GCGR: variants seen among roughly 807,000 people sequenced by gnomAD.
The protein encoded by GCGR is glucagon receptor.
GCGR carries 41 observed loss-of-function variants against 56.1 expected under a neutral mutation model. That is an observed-to-expected ratio of 0.73 (90% CI 0.57 to 0.95). The LOEUF is 0.95. Ranked by LOEUF, GCGR falls within the 40% of genes least tolerant of loss-of-function variation. GCGR has a pLI of 0.00. For missense variants in GCGR, 595 were observed against 638.2 expected (o/e 0.93, Z 0.73); for synonymous variants, 278 against 271.1 (o/e 1.03, Z -0.25).
At position 81,813,051 on chromosome 17, in the gene GCGR, C is replaced by T. The variant is rs2038137275; in HGVS notation, c.1212C>T (p.Asn404=). 1.3e-6 allele frequency: 2 copies of T among 1,536,236 alleles called. No individual in the cohort carries two copies. Among genetic ancestry groups the T allele is most frequent in the Non-Finnish European group, 1.7e-6 (2 of 1,146,824 alleles). The change falls in exon 13 of 14, where the codon AAC becomes AAT. Residue 404 remains asparagine, a synonymous_variant. Coordinates refer to ENST00000400723, the MANE Select transcript of GCGR (RefSeq NM_000160.5). The surrounding 1 kb of genome is among the most constrained non-coding windows in gnomAD (Gnocchi z 5.3). ...LLVAVLYCFL[N]KEVQSELRRR... The stretch of plus-strand genomic sequence containing the variant: ...TGGCTGTCCTCTACTGCTTCCTCAA[C>T]AAGGAGGTAGGTGGGAGTGGGGGCA...
Position 81,811,544 on chromosome 17 carries a change from C to G in GCGR, c.641C>G (p.Thr214Ser). 1 of 1,536,490 alleles carries G rather than the reference C, an allele frequency of 6.5e-7. No homozygotes were observed. The highest frequency in any genetic ancestry group is 8.7e-7 in the Non-Finnish European group (1 of 1,146,848). ...ATTGGCGACGACCTCAGTGTCAGCA[C>G]CTGGCTCAGTGATGGAGTGAGCCCC... is the stretch of plus-strand genomic sequence containing the variant. ...QKIGDDLSVS[T>S]WLSDGAVAGC... Residue 214 changes from threonine (T) to serine (S), a missense_variant, in exon 7 of 14, where the codon ACC becomes AGC. Transcript: ENST00000400723. This position sits in a 1 kb window ranked among gnomAD's most constrained non-coding sequence, Gnocchi z 5.8.
Position 81,813,497 on chromosome 17 carries a change from T to C in GCGR, c.1242T>C (p.Arg414=), listed in dbSNP as rs1291137965. Residue 414 remains arginine, a synonymous_variant, in exon 14 of 14, where the codon CGT becomes CGC. Transcript: ENST00000400723. This position sits in a 1 kb window ranked among gnomAD's most constrained non-coding sequence, Gnocchi z 5.3. The part of the protein sequence containing the change: ...NKEVQSELRR[R]WHRWRLGKVL... ...AGGTGCAGTCGGAGCTGCGGCGGCG[T>C]TGGCACCGCTGGCGCCTGGGCAAAG... 4 of 1,535,314 alleles carry C rather than the reference T, an allele frequency of 2.6e-6. No homozygotes were observed. The East Asian group carries it at 7.3e-5, about 28-fold the overall frequency.
rs146900331 is a variant in GCGR, at chr17:81,806,658, C to A, written c.-177-2184C>A. ...GCTCTAGAGTCAACATGACAGGCAT[C>A]GAATGGCTCCTGTTTCTCTGGCAGA... On this transcript the variant is annotated intron_variant, in intron 1 of 13. Transcript: ENST00000400723. The surrounding 1 kb of genome is among the most constrained non-coding windows in gnomAD (Gnocchi z 6.5). Among the ~76,000 whole-genome samples the A allele has an allele frequency of 1.3e-5, 2 of 152,232 alleles. No homozygotes were observed. The highest frequency in any genetic ancestry group is 4.8e-5 in the African/African-American group (2 of 41,536).
intron 1 of GCGR, among the ~76,000 whole-genome samples, chr17:81,805,688 C>T (rs960185850): frequency 6.6e-6 from 1 of 151,602 alleles, no homozygotes; most frequent in African/African-American, 2.4e-5. Context: ...ACCTCGGGAA[C>T]CCCCCCTATT....
chr17:81,812,262 TGAA>T lies in GCGR; in HGVS notation c.948+13_948+15del. 1 of 1,535,170 alleles carries T rather than the reference TGAA, an allele frequency of 6.5e-7. No individual in the cohort carries two copies. The highest frequency in any genetic ancestry group is 8.7e-7 in the Non-Finnish European group (1 of 1,146,706). Reference sequence around the variant, plus strand: ...CTTCCTGGCCATCCTGGTGAGGAAATGAAGAGCCAGGAGCGCACCCCAGGCCCC... The same window carrying T: ...CTTCCTGGCCATCCTGGTGAGGAAATGAGCCAGGAGCGCACCCCAGGCCCC... On this transcript the variant is annotated intron_variant, in intron 10 of 13. Transcript: ENST00000400723. The surrounding 1 kb of genome is among the most constrained non-coding windows in gnomAD (Gnocchi z 8.5).
rs2038107972 is a variant in GCGR, at chr17:81,811,881, C to A, written c.818-5C>A. 10 of 1,537,134 alleles carry A rather than the reference C, an allele frequency of 6.5e-6. No individual in the cohort carries two copies. In the African/African-American group the frequency reaches 8.2e-5, roughly 13 times the overall value. Reference sequence around the variant, plus strand: ...CTTTGGGACCACAGCTGCTGCCCCCCACAGGTGCCCCCATGCTGTTCGTCG... The same window carrying A: ...CTTTGGGACCACAGCTGCTGCCCCCAACAGGTGCCCCCATGCTGTTCGTCG... On this transcript the variant is annotated splice_region_variant and splice_polypyrimidine_tract_variant and intron_variant, in intron 8 of 13. Coordinates refer to ENST00000400723, the MANE Select transcript of GCGR (RefSeq NM_000160.5). The surrounding 1 kb of genome is among the most constrained non-coding windows in gnomAD (Gnocchi z 5.8).
chr17:81,808,911 G>C lies in GCGR; in HGVS notation c.-108G>C. On this transcript the variant is annotated 5_prime_UTR_variant, in exon 2 of 14. Transcript: ENST00000400723. ...TGGCCAGGACGCCCCAGGCTCTGCTGCTCTGCCACTCAGCTGCCCTCGGAG... is the reference window on the plus strand; with the variant it reads ...TGGCCAGGACGCCCCAGGCTCTGCTCCTCTGCCACTCAGCTGCCCTCGGAG... The C allele has an allele frequency of 7.3e-7, 1 of 1,374,018 alleles. No individual in the cohort carries two copies. Among genetic ancestry groups the C allele is most frequent in the East Asian group, 2.5e-5 (1 of 40,146 alleles). 85.1% of individuals were successfully genotyped at this position (1,374,018 alleles called of 1,614,324 possible). A position where few individuals can be genotyped will look rare whatever the true frequency, so the allele number is the denominator to read the frequency against.
In GCGR at chr17:81,811,728, G is replaced by C. The variant is rs367775051; in HGVS notation, c.735G>C (p.Glu245Asp). The change falls in exon 8 of 14, where the codon GAG becomes GAC. Residue 245 changes from glutamate to aspartate, a missense_variant. Coordinates refer to ENST00000400723, the MANE Select transcript of GCGR (RefSeq NM_000160.5). This position sits in a 1 kb window ranked among gnomAD's most constrained non-coding sequence, Gnocchi z 5.8. ...IVANYCWLLV[E>D]GLYLHNLLGL... is the part of the protein sequence containing the mutation. ...CCAACTACTGCTGGCTGCTGGTGGAGGGCCTGTACCTGCACAACCTGCTGG... is the reference window on the plus strand; with the variant it reads ...CCAACTACTGCTGGCTGCTGGTGGACGGCCTGTACCTGCACAACCTGCTGG... 7.8e-6 allele frequency: 12 copies of C among 1,544,574 alleles called. 1 individual carries two copies. The highest frequency in any genetic ancestry group is 3.6e-5 in the South Asian group (3 of 84,466).
At chr17:81,805,912 A>G (rs1250222700) in intron 1 of GCGR, among the ~76,000 whole-genome samples, 2 of 151,958 alleles carry the variant, frequency 1.3e-5, no homozygotes, top group Non-Finnish European at 2.9e-5. Context: ...TCCTTCAGTC[A>G]ACAAACATTG....
In GCGR at chr17:81,813,355, G is replaced by A. The variant is rs1001821536; in HGVS notation, c.1219-119G>A. On this transcript the variant is annotated intron_variant, in intron 13 of 13. Coordinates refer to ENST00000400723, the MANE Select transcript of GCGR (RefSeq NM_000160.5). This position sits in a 1 kb window ranked among gnomAD's most constrained non-coding sequence, Gnocchi z 5.3. ...TAGCTGTGCCCAGCAGGGAGCTTGTGTCGCTCTGCACCCCTCAGAGCGGAG... is the reference window on the plus strand; with the variant it reads ...TAGCTGTGCCCAGCAGGGAGCTTGTATCGCTCTGCACCCCTCAGAGCGGAG... The A allele has an allele frequency of 9.9e-6, 10 of 1,013,510 alleles. No homozygotes were observed. The African/African-American group carries it at 1.3e-4, about 13-fold the overall frequency. 62.8% of individuals were successfully genotyped at this position (1,013,510 alleles called of 1,614,324 possible). A position where few individuals can be genotyped will look rare whatever the true frequency, so the allele number is the denominator to read the frequency against.
At chr17:81,808,060 G>A (rs1005498145) in intron 1 of GCGR, among the ~76,000 whole-genome samples, 10 of 152,176 alleles carry the variant, frequency 6.6e-5, no homozygotes, top group Admixed American at 2.6e-4. Flanking sequence ...AGCCTTGCAC[G>A]GCACCCACGA....
In GCGR at chr17:81,813,946, C is replaced by T. The variant is rs955995848; in HGVS notation, c.*257C>T. The T allele has an allele frequency of 1.7e-5, 9 of 544,022 alleles. No individual in the cohort carries two copies. The highest frequency in any genetic ancestry group is 7.2e-5 in the South Asian group (3 of 41,574). 33.7% of individuals were successfully genotyped at this position (544,022 alleles called of 1,614,324 possible). On this transcript the variant is annotated 3_prime_UTR_variant, in exon 14 of 14. Coordinates refer to ENST00000400723, the MANE Select transcript of GCGR (RefSeq NM_000160.5). This position sits in a 1 kb window ranked among gnomAD's most constrained non-coding sequence, Gnocchi z 5.3. ...CGTGAACTGCGTGCCAGTGTCCCCACGTATGTCGGCACGTCCCATGTGCAT... is the reference window on the plus strand; with the variant it reads ...CGTGAACTGCGTGCCAGTGTCCCCATGTATGTCGGCACGTCCCATGTGCAT...
rs370378489 is a variant in GCGR at position 81,810,742 on chromosome 17, G to A, written c.164-83G>A. On this transcript the variant is annotated intron_variant, in intron 3 of 13. Coordinates refer to ENST00000400723, the MANE Select transcript of GCGR (RefSeq NM_000160.5). This position sits in a 1 kb window ranked among gnomAD's most constrained non-coding sequence, Gnocchi z 4.6. ...GGTGACGGCCGAGCTCAGGCTTCCA[G>A]AGAGAGGAGAGAGGCCTGCTGAGGG... 3 of 1,317,974 alleles carry A rather than the reference G, an allele frequency of 2.3e-6. No homozygotes were observed. The highest frequency in any genetic ancestry group is 2.5e-5 in the South Asian group (2 of 79,610). The allele number at this position is 1,317,974 out of a possible 1,614,324, so 81.6% of individuals were successfully genotyped here.
Position 81,812,181 on chromosome 17 carries a change from AG to A in GCGR, c.879del. On this transcript the variant is annotated splice_acceptor_variant, in intron 9 of 13. Coordinates refer to ENST00000400723, the MANE Select transcript of GCGR (RefSeq NM_000160.5). LOFTEE classifies it high-confidence loss of function. The surrounding 1 kb of genome is among the most constrained non-coding windows in gnomAD (Gnocchi z 8.5). ...CAGTATGTGAGTGGCCTGGCCTCGCAGGTGCTGGACCAGCAATGACAACATG... is the reference window on the plus strand; with the variant it reads ...CAGTATGTGAGTGGCCTGGCCTCGCAGTGCTGGACCAGCAATGACAACATG... 1 of 1,536,154 alleles carries A rather than the reference AG, an allele frequency of 6.5e-7. No homozygotes were observed. The highest frequency in any genetic ancestry group is 8.7e-7 in the Non-Finnish European group (1 of 1,146,770).
rs1054131806 is a variant in GCGR at position 81,813,151 on chromosome 17, G to A, written c.1218+94G>A. The A allele has an allele frequency of 7.3e-5, 110 of 1,509,712 alleles. No homozygotes were observed. Among genetic ancestry groups the A allele is most frequent in the Admixed American group, 1.2e-4 (6 of 50,956 alleles). The allele number at this position is 1,509,712 out of a possible 1,614,324, so 93.5% of individuals were successfully genotyped here. ...AGGGATGCCAGCCCCACCCCTGCCC[G>A]GGGGTTGGAACACGTGGGGCCCAAG... On this transcript the variant is annotated intron_variant, in intron 13 of 13. Transcript: ENST00000400723. This position sits in a 1 kb window ranked among gnomAD's most constrained non-coding sequence, Gnocchi z 5.3.
chr17:81,804,608 G>T lies in GCGR; in HGVS notation c.-178+359G>T, dbSNP rs1312604532. ...TCAGGGCCCCGGGCCCCGCCGCCCT[G>T]GGGAGCGCACAAAGCGCCGCGGACG... On this transcript the variant is annotated intron_variant, in intron 1 of 13. Transcript: ENST00000400723. The surrounding 1 kb of genome is among the most constrained non-coding windows in gnomAD (Gnocchi z 8.2). Among the ~76,000 whole-genome samples the T allele has an allele frequency of 6.6e-6, 1 of 151,972 alleles. No homozygotes were observed. The highest frequency in any genetic ancestry group is 2.4e-5 in the African/African-American group (1 of 41,382).
chr17:81,809,500 C>A, intron 2 of GCGR, among the ~76,000 whole-genome samples: 1 of 82,096 alleles, frequency 1.2e-5, no homozygotes, highest in Non-Finnish European at 2.3e-5. Flanking sequence ...TCTGCCTGTC[C>A]GTCTGCCTGC....
In GCGR at chr17:81,812,324, ACAG is replaced by A; in HGVS notation, c.948+78_948+80del. On this transcript the variant is annotated intron_variant, in intron 10 of 13. Coordinates refer to ENST00000400723, the MANE Select transcript of GCGR (RefSeq NM_000160.5). This position sits in a 1 kb window ranked among gnomAD's most constrained non-coding sequence, Gnocchi z 8.5. The stretch of plus-strand genomic sequence containing the variant: ...TGGCGTCCTGAGGCTGCCCCAGGAG[ACAG>A]CAGCATCCTGTCTGAGAGCGCTGGG... 6.7e-7 allele frequency: 1 copy of A among 1,482,780 alleles called. No homozygotes were observed. The allele number at this position is 1,482,780 out of a possible 1,614,324, so 91.9% of individuals were successfully genotyped here.
Position 81,804,195 on chromosome 17 carries a change from G to C in GCGR, c.-232G>C, listed in dbSNP as rs2037893537. On this transcript the variant is annotated 5_prime_UTR_variant, in exon 1 of 14. Coordinates refer to ENST00000400723, the MANE Select transcript of GCGR (RefSeq NM_000160.5). The surrounding 1 kb of genome is among the most constrained non-coding windows in gnomAD (Gnocchi z 8.2). ...ACGAGCGGTCACCGGCGCCCGACCCGAGCGCGCCCAGAGGACGGCGGGGAG... is the reference window on the plus strand; with the variant it reads ...ACGAGCGGTCACCGGCGCCCGACCCCAGCGCGCCCAGAGGACGGCGGGGAG... The C allele has an allele frequency of 2.0e-5, 3 of 151,302 alleles. No individual in the cohort carries two copies. The South Asian group carries it at 6.1e-4, about 31-fold the overall frequency. 9.4% of individuals were successfully genotyped at this position (151,302 alleles called of 1,614,324 possible).
Sources: allele counts gnomAD v4.1 joint callset (sites outside exome capture counted in the v4.1 genomes callset), GRCh38; gene constraint gnomAD v4.1.1; non-coding constraint Gnocchi (gnomAD v3.1); transcripts MANE v1.5; gene names NCBI Gene and HGNC (gene_info 2026-07-23, HGNC 2026-07-21).